KRT75: variants seen among roughly 807,000 people sequenced by gnomAD.
The protein encoded by KRT75 is keratin 75.
A neutral mutation model predicts 48.8 loss-of-function variants in KRT75; 35 were observed. The ratio of observed to expected loss-of-function variants is 0.72; its 90% CI spans 0.55 to 0.95. The LOEUF (loss-of-function observed/expected upper bound fraction) is 0.95. Ranked by LOEUF, KRT75 falls within the 40% of genes least tolerant of loss-of-function variation. The pLI is 0.00. For synonymous variants in KRT75, 301 were observed against 282.3 expected, an observed-to-expected ratio of 1.07 and a Z score of -0.66; for missense variants, 776 against 709.9, an observed-to-expected ratio of 1.09 and a Z score of -1.06.
chr12:52,424,593 C>T lies in KRT75; in HGVS notation c.1580G>A (p.Arg527Gln), dbSNP rs61730614. 266,353 of 1,613,980 alleles carry T rather than the reference C, an allele frequency of 0.17. 22,905 individuals carry two copies. Among genetic ancestry groups the T allele is most frequent in the Admixed American group, 0.26 (15,507 of 60,010 alleles). ...GCTAGAACCACTGCCCCCTAAGCCC[C>T]GGTTGCTGGTGGCACTGAATCCAGA... Reference protein sequence around the residue: ...GGSGFSATSNRGLGGSGSSVK... With the variant: ...GGSGFSATSNQGLGGSGSSVK... The change falls in exon 9 of 9, where the codon CGG (arginine) becomes CAG (glutamine). Residue 527 changes from arginine to glutamine, a missense_variant. Transcript: ENST00000252245.
At chr12:52,426,323 C>T (rs1406470873) in intron 8 of KRT75, among the ~76,000 whole-genome samples, 5 of 152,216 alleles carry the variant, frequency 3.3e-5, no homozygotes, top group African/African-American at 9.6e-5. Flanking sequence ...CAGTTATACT[C>T]GGCAGAGTTG....
Position 52,434,331 on chromosome 12 carries a change from G to A in KRT75, c.-27C>T, listed in dbSNP as rs772619523. The A allele has an allele frequency of 6.3e-6, 10 of 1,576,970 alleles. No individual in the cohort carries two copies. The highest frequency in any genetic ancestry group is 8.6e-6 in the Non-Finnish European group (10 of 1,169,466). Reference sequence around the variant, plus strand: ...GTGGGTGAGGAAGGCCGGCGAGAAGGCACCTGAGGTGGGCTGGTACAGGCA... The same window carrying A: ...GTGGGTGAGGAAGGCCGGCGAGAAGACACCTGAGGTGGGCTGGTACAGGCA... On this transcript the variant is annotated 5_prime_UTR_variant, in exon 1 of 9. Transcript: ENST00000252245.
intron 1 of KRT75, 57 bp from the exon 2 acceptor site, chr12:52,433,309 C>T (rs1426386041): frequency 5.1e-6 from 7 of 1,365,374 alleles, no homozygotes; most frequent in Non-Finnish European, 7.3e-6. Flanking sequence ...GAGTTAGACA[C>T]TCCTATTAAT....
chr12:52,432,979 C>A, intron 2 of KRT75, 59 bp downstream of exon 2: 1 of 1,542,772 alleles, frequency 6.5e-7, no homozygotes, highest in South Asian at 1.1e-5. Context: ...CCTCTCTGGT[C>A]CTCACACAAA....
rs144202386 is a variant in KRT75, at chr12:52,428,661, A to G, written c.1118T>C (p.Met373Thr). The G allele has an allele frequency of 6.2e-7, 1 of 1,614,202 alleles. No individual in the cohort carries two copies. Among genetic ancestry groups the G allele is most frequent in the East Asian group, 2.2e-5 (1 of 44,868 alleles). The change falls in exon 6 of 9, where the codon ATG becomes ACG. Residue 373 changes from methionine (M) to threonine (T), a missense_variant. By Grantham distance (81) the Met-to-Thr change is moderately conservative (BLOSUM62 -1). Transcript: ENST00000252245. ...TKQEISEMNR[M>T]IQRLRAEIDS... ...AATCTCAGCTCTCAGCCTCTGGATCATGCGGTTCATTTCAGAGATCTCTTG... is the reference window on the plus strand; with the variant it reads ...AATCTCAGCTCTCAGCCTCTGGATCGTGCGGTTCATTTCAGAGATCTCTTG...
At chr12:52,431,950 C>T (rs1940149965) in intron 3 of KRT75, 56 bp downstream of exon 3, 1 of 1,566,874 alleles carries the variant, frequency 6.4e-7, no homozygotes, top group Non-Finnish European at 8.8e-7. Context: ...TCAGGTTACC[C>T]CACACTCCAG....
At chr12:52,431,501 G>C (rs772573521) in intron 4 of KRT75, 42 bp downstream of exon 4, 98 of 1,364,596 alleles carry the variant, frequency 7.2e-5, no homozygotes, top group Non-Finnish European at 1.1e-6. Flanking sequence ...TTCTTTCCAG[G>C]CTCCAGACCT....
intron 7 of KRT75, 91 bp downstream of exon 7, chr12:52,428,164 AG>A: frequency 6.7e-7 from 1 of 1,481,764 alleles, no homozygotes; most frequent in Non-Finnish European, 9.4e-7. Context: ...CAGGAGAAGA[AG>A]GGGCTGCAAC....
intron 7 of KRT75, chr12:52,428,032 T>A (rs1263892258): frequency 1.6e-6 from 1 of 609,070 alleles, no homozygotes; most frequent in Non-Finnish European, 2.9e-6. Flanking sequence ...TACTTAGACC[T>A]GATCAGGTTT....
At chr12:52,431,659 G>A (rs767272923) in intron 3 of KRT75, 21 bp from the exon 4 acceptor site, 7 of 1,533,182 alleles carry the variant, frequency 4.6e-6, no homozygotes, top group South Asian at 3.4e-5. Flanking sequence ...AGCGCAGGAT[G>A]CTCCTTTGAG....
chr12:52,426,014 G>T (rs1303050621), intron 8 of KRT75, among the ~76,000 whole-genome samples: 1 of 152,184 alleles, frequency 6.6e-6, no homozygotes, highest in Non-Finnish European at 1.5e-5. Context: ...CAGGGAGGAA[G>T]GACACCTGGG....
At position 52,424,151 on chromosome 12, in the gene KRT75, C is replaced by T. The variant is rs1940047687; in HGVS notation, c.*366G>A. The stretch of plus-strand genomic sequence containing the variant: ...ACTCCCAGCAGGCCACTTATAAACA[C>T]TATGAGACAGGTGGGTGACAACCTG... On this transcript the variant is annotated 3_prime_UTR_variant, in exon 9 of 9. Coordinates refer to ENST00000252245, the MANE Select transcript of KRT75 (RefSeq NM_004693.3). 1 of 378,516 alleles carries T rather than the reference C, an allele frequency of 2.6e-6. No individual in the cohort carries two copies. Among genetic ancestry groups the T allele is most frequent in the Admixed American group, 3.7e-5 (1 of 27,222 alleles). The allele number at this position is 378,516 out of a possible 1,614,324, so 23.4% of individuals were successfully genotyped here.
chr12:52,431,403 C>T, intron 4 of KRT75, 140 bp downstream of exon 4: 2 of 737,538 alleles, frequency 2.7e-6, no homozygotes, highest in East Asian at 2.6e-5. Context: ...TCCCTGGTCC[C>T]CCTACCACCC....
intron 8 of KRT75, among the ~76,000 whole-genome samples, chr12:52,426,006 G>A (rs866264942): frequency 1.4e-4 from 21 of 152,332 alleles, no homozygotes; most frequent in South Asian, 6.2e-4. Flanking sequence ...AAAGACATCA[G>A]GGAGGAAGGA....
chr12:52,433,538 G>C (rs569947063), intron 1 of KRT75, among the ~76,000 whole-genome samples: 3 of 152,246 alleles, frequency 2.0e-5, no homozygotes, highest in African/African-American at 7.2e-5. Flanking sequence ...AGTTTGCTGA[G>C]CAGCAACTCT....
intron 8 of KRT75, among the ~76,000 whole-genome samples, chr12:52,425,486 G>T (rs545624764): frequency 6.6e-6 from 1 of 152,340 alleles, no homozygotes; most frequent in East Asian, 1.9e-4. Context: ...TGTAGGGTGG[G>T]CCCTGATCTA....
chr12:52,433,685 G>C (rs563542271), intron 1 of KRT75, 122 bp downstream of exon 1: 3 of 1,475,654 alleles, frequency 2.0e-6, no homozygotes, highest in South Asian at 2.4e-5. Context: ...CTGGGAGCCC[G>C]TGCTGAACAG....
chr12:52,431,726 T>C, intron 3 of KRT75, 88 bp from the exon 4 acceptor site: 1 of 1,081,324 alleles, frequency 9.2e-7, no homozygotes, highest in Non-Finnish European at 1.4e-6. Context: ...CCCCAGCCCA[T>C]CTAGTTTGGA....
Position 52,434,060 on chromosome 12 carries a change from C to G in KRT75, c.245G>C (p.Ser82Thr). 1.2e-6 allele frequency: 2 copies of G among 1,614,184 alleles called. No individual in the cohort carries two copies. The highest frequency in any genetic ancestry group is 1.7e-6 in the Non-Finnish European group (2 of 1,180,040). ...GTTGCTGGCCCTGCCACCAAAGCCA[C>G]TTCGGCAGCTGCTGCCACACCCATT... is the stretch of plus-strand genomic sequence containing the variant. Reference protein sequence around the residue: ...SINGCGSSCRSGFGGRASNRF... With the variant: ...SINGCGSSCRTGFGGRASNRF... Residue 82 changes from serine to threonine, a missense_variant, in exon 1 of 9, where the codon AGT becomes ACT. Transcript: ENST00000252245.
Sources: allele counts gnomAD v4.1 joint callset (sites outside exome capture counted in the v4.1 genomes callset), GRCh38; gene constraint gnomAD v4.1.1; transcripts MANE v1.5; gene names NCBI Gene and HGNC (gene_info 2026-07-23, HGNC 2026-07-21).